The following CNTN4 variants were observed in gnomAD, a reference collection of about 807,000 sequenced individuals.
The protein encoded by CNTN4 is contactin-4.
A neutral mutation model predicts 122.5 loss-of-function variants in CNTN4; 77 were observed. The observed-to-expected ratio is 0.63, with a 90% CI of 0.52 to 0.76. The LOEUF (loss-of-function observed/expected upper bound fraction) is 0.76. CNTN4 is among the 30% of genes least tolerant of loss of function. The pLI is 0.00. For missense variants in CNTN4, 1,256 were observed against 1,259.1 expected (o/e 1.00, Z 0.04); for synonymous variants, 512 against 447.0 (o/e 1.15, Z -1.83).
At chr3:2,967,346 G>C (rs79451633) in intron 13 of CNTN4, among the ~76,000 whole-genome samples, 3,843 of 152,252 alleles carry the variant, frequency 0.025, 68 homozygotes, top group Non-Finnish European at 0.038. Context: ...TTTTACAATA[G>C]TGATATTATC....
intron 12 of CNTN4, among the ~76,000 whole-genome samples, chr3:2,920,232 A>G (rs531581077): frequency 1.3e-5 from 2 of 151,404 alleles, no homozygotes; most frequent in South Asian, 4.2e-4. Flanking sequence ...ATATGTATCT[A>G]AAACATTCTC....
In CNTN4 at chr3:2,719,289, A is replaced by G. The variant is rs557449366; in HGVS notation, c.56-16926A>G. On this transcript the variant is annotated intron_variant, in intron 4 of 24. Coordinates refer to ENST00000418658, the MANE Select transcript of CNTN4 (RefSeq NM_175607.3). ...CATTAGAAACAAGGTTCATAAGGACAAGACTTCACTTTTTTTTTTTTTTTT... is the reference window on the plus strand; with the variant it reads ...CATTAGAAACAAGGTTCATAAGGACGAGACTTCACTTTTTTTTTTTTTTTT... 3.1e-3 allele frequency among the ~76,000 whole-genome samples: 463 copies of G among 150,594 alleles called. 5 individuals are homozygous for G. Among genetic ancestry groups the G allele is most frequent in the African/African-American group, 0.011 (448 of 40,308 alleles).
intron 4 of CNTN4, among the ~76,000 whole-genome samples, chr3:2,701,084 T>C (rs2086332598): frequency 6.6e-6 from 1 of 152,212 alleles, no homozygotes; most frequent in African/African-American, 2.4e-5. Flanking sequence ...TAATATTCCA[T>C]ACTTACATCT....
chr3:2,847,666 C>CTG (rs2093477656), intron 7 of CNTN4, among the ~76,000 whole-genome samples: 1 of 152,172 alleles, frequency 6.6e-6, no homozygotes, highest in Non-Finnish European at 1.5e-5. Flanking sequence ...AGTGTGCTGA[C>CTG]ACATGACTGC....
chr3:2,177,855 C>T (rs2036825532), intron 2 of CNTN4, among the ~76,000 whole-genome samples: 1 of 152,102 alleles, frequency 6.6e-6, no homozygotes, highest in African/African-American at 2.4e-5. Flanking sequence ...TAGTGTTTGA[C>T]CAAACAACTG....
chr3:2,179,954 T>A (rs1384429704), intron 2 of CNTN4, among the ~76,000 whole-genome samples: 2 of 152,030 alleles, frequency 1.3e-5, no homozygotes, highest in Admixed American at 6.6e-5. Flanking sequence ...ACATTTTTTG[T>A]ACTAAGCCTT....
chr3:2,544,097 A>G (rs2078141114), intron 3 of CNTN4, among the ~76,000 whole-genome samples: 1 of 152,172 alleles, frequency 6.6e-6, no homozygotes, highest in Admixed American at 6.6e-5. Context: ...CACACTTACA[A>G]ATCAAGAACC....
chr3:2,635,318 G>A (rs537912452), intron 4 of CNTN4, among the ~76,000 whole-genome samples: 1 of 152,240 alleles, frequency 6.6e-6, no homozygotes, highest in African/African-American at 2.4e-5. Flanking sequence ...ACTGTAATTG[G>A]AAATGAAAAT....
chr3:3,041,056 C>T (rs1700120534), intron 20 of CNTN4: 1 of 152,252 alleles, frequency 6.6e-6, no homozygotes, highest in African/African-American at 2.4e-5. Flanking sequence ...TCCATGCTAT[C>T]CCTGCTCTCG....
At chr3:2,932,383 A>G (rs1254853416) in intron 13 of CNTN4, among the ~76,000 whole-genome samples, 1 of 152,202 alleles carries the variant, frequency 6.6e-6, no homozygotes, top group Non-Finnish European at 1.5e-5. Flanking sequence ...GTCTCAAAAA[A>G]TAAATAAAAA....
At chr3:2,547,042 A>G (rs2078273382) in intron 3 of CNTN4, among the ~76,000 whole-genome samples, 1 of 152,080 alleles carries the variant, frequency 6.6e-6, no homozygotes, top group East Asian at 1.9e-4. Flanking sequence ...ATGCCAGTGG[A>G]AAAGCTTAGC....
chr3:2,414,613 A>T (rs2047347311), intron 3 of CNTN4, among the ~76,000 whole-genome samples: 1 of 152,164 alleles, frequency 6.6e-6, no homozygotes, highest in Admixed American at 6.5e-5. Flanking sequence ...TGATCATAGT[A>T]GATTATAAAG....
chr3:2,546,902 A>G (rs1448226235), intron 3 of CNTN4, among the ~76,000 whole-genome samples: 2 of 152,126 alleles, frequency 1.3e-5, no homozygotes, highest in Non-Finnish European at 2.9e-5. Context: ...TAGCATGCAC[A>G]AAAGTAAAAG....
At chr3:2,782,681 A>G (rs955908755) in intron 6 of CNTN4, among the ~76,000 whole-genome samples, 8 of 152,172 alleles carry the variant, frequency 5.3e-5, no homozygotes, top group Non-Finnish European at 1.0e-4. Flanking sequence ...ATCGAAAACT[A>G]GTAACAACTT....
chr3:2,686,608 A>G (rs2085442794), intron 4 of CNTN4, among the ~76,000 whole-genome samples: 1 of 152,144 alleles, frequency 6.6e-6, no homozygotes, highest in Admixed American at 6.6e-5. Context: ...CAATCAAGCT[A>G]ATGAACATAT....
chr3:2,387,962 G>T (rs1559509164), intron 3 of CNTN4, among the ~76,000 whole-genome samples: 1 of 152,180 alleles, frequency 6.6e-6, no homozygotes, highest in Non-Finnish European at 1.5e-5. Flanking sequence ...GGAAAAGCCT[G>T]TGTAAAATAA....
At position 2,841,588 on chromosome 3, in the gene CNTN4, C is replaced by T. The variant is rs1003847781; in HGVS notation, c.454+22007C>T. Among the ~76,000 whole-genome samples, 17 of 152,118 alleles carry T rather than the reference C, an allele frequency of 1.1e-4. No homozygotes were observed. The highest frequency in any genetic ancestry group is 2.4e-4 in the African/African-American group (10 of 41,426). ...TCAAACTATATTTGGCCATTGGCTTCGGGATTTGGTTATTTCCTCAACCCT... is the reference window on the plus strand; with the variant it reads ...TCAAACTATATTTGGCCATTGGCTTTGGGATTTGGTTATTTCCTCAACCCT... On this transcript the variant is annotated intron_variant, in intron 7 of 24. Transcript: ENST00000418658. The surrounding 1 kb of genome is among the most constrained non-coding windows in gnomAD (Gnocchi z 4.8).
intron 6 of CNTN4, among the ~76,000 whole-genome samples, chr3:2,812,713 A>G (rs577232143): frequency 3.7e-4 from 56 of 152,326 alleles, no homozygotes; most frequent in African/African-American, 1.2e-3. Context: ...TAACATTTAT[A>G]GACTACTGAC....
intron 4 of CNTN4, among the ~76,000 whole-genome samples, chr3:2,733,690 T>C (rs1450267329): frequency 1.3e-5 from 2 of 151,910 alleles, no homozygotes; most frequent in African/African-American, 4.8e-5. Flanking sequence ...CACGCCACCA[T>C]GCCCGGCTAA....
Sources: gnomAD v4.1 joint callset for allele counts (sites outside exome capture counted in the v4.1 genomes callset) on GRCh38, gnomAD v4.1.1 for gene constraint, Gnocchi (gnomAD v3.1) non-coding constraint, MANE v1.5 for transcripts, NCBI Gene and HGNC (gene_info 2026-07-23, HGNC 2026-07-21) for gene names.